CCNY: variants seen among roughly 807,000 people sequenced by gnomAD.
The protein encoded by CCNY is cyclin Y.
CCNY carries 19 observed loss-of-function variants against 42.8 expected under a neutral mutation model. The ratio of observed to expected loss-of-function variants is 0.44; its 90% CI spans 0.31 to 0.65. CCNY has a LOEUF of 0.65. Ranked by LOEUF, CCNY falls within the 30% of genes least tolerant of loss-of-function variation. The pLI, the probability that CCNY is intolerant of heterozygous loss-of-function variation, is 0.07. For missense variants in CCNY, 370 were observed against 437.3 expected (o/e 0.85, Z 1.37); for synonymous variants, 165 against 162.7 (o/e 1.01, Z -0.11).
In CCNY at chr10:35,454,814, G is replaced by A. The variant is rs867688409; in HGVS notation, c.155-28590G>A. Among the ~76,000 whole-genome samples the A allele has an allele frequency of 2.4e-4, 36 of 152,356 alleles. 2 individuals are homozygous for A. The South Asian group carries it at 3.1e-3, about 13-fold the overall frequency. On this transcript the variant is annotated intron_variant, in intron 1 of 9. Coordinates refer to ENST00000374704, the MANE Select transcript of CCNY (RefSeq NM_145012.6). Reference sequence around the variant, plus strand: ...TTCTGCCAGGGTAAGAGGAAGGCCAGTGAGTGCTTGGGAAGGAAGTTGGCA... The same window carrying A: ...TTCTGCCAGGGTAAGAGGAAGGCCAATGAGTGCTTGGGAAGGAAGTTGGCA...
chr10:35,543,627 G>A (rs1314325493), intron 7 of CCNY, among the ~76,000 whole-genome samples: 2 of 151,978 alleles, frequency 1.3e-5, no homozygotes, highest in East Asian at 1.9e-4. Flanking sequence ...GATAATAAAC[G>A]ACTCTGTTAC....
intron 3 of CCNY, among the ~76,000 whole-genome samples, chr10:35,505,988 A>C (rs182963182): frequency 3.0e-4 from 45 of 152,304 alleles, no homozygotes; most frequent in Non-Finnish European, 4.7e-4. Context: ...AAAGGTGTCT[A>C]TTCTGGTTAT....
Position 35,263,967 on chromosome 10 carries a change from A to C in CCNY, c.-9+13341A>C, listed in dbSNP as rs191712565. 4.7e-3 allele frequency among the ~76,000 whole-genome samples: 709 copies of C among 152,274 alleles called. 45 individuals are homozygous for C. The South Asian group carries it at 0.12, about 26-fold the overall frequency. On this transcript the variant is annotated intron_variant, in intron 3 of 11. Transcript: ENST00000374706. ...CTGATGCTACGTTAGTTTGCTGAGG[A>C]ATGGCTTCCAACTCTATCCATGTCC... is the stretch of plus-strand genomic sequence containing the variant.
chr10:35,292,850 A>G (rs1179672273), intron 3 of CCNY, among the ~76,000 whole-genome samples: 1 of 132,162 alleles, frequency 7.6e-6, no homozygotes, highest in Non-Finnish European at 1.5e-5. Context: ...CGATGGAGCG[A>G]TCTTGGCTAA....
intron 1 of CCNY, among the ~76,000 whole-genome samples, chr10:35,353,824 CT>C (rs1836481072): frequency 1.3e-5 from 2 of 152,192 alleles, no homozygotes; most frequent in African/African-American, 2.4e-5. Context: ...AGTTGAAAAG[CT>C]GTACAAGAAA....
chr10:35,415,040 A>G (rs769462685), intron 1 of CCNY, among the ~76,000 whole-genome samples: 6 of 152,234 alleles, frequency 3.9e-5, no homozygotes, highest in Non-Finnish European at 7.3e-5. Flanking sequence ...AGATGCTGGA[A>G]CTTGGCAAAG....
chr10:35,514,212 C>A (rs2135405496), intron 3 of CCNY, among the ~76,000 whole-genome samples: 1 of 152,096 alleles, frequency 6.6e-6, no homozygotes, highest in African/African-American at 2.4e-5. Context: ...GTCTTGTAGT[C>A]CTGACAGTCA....
At chr10:35,281,030 T>G (rs989035917) in intron 3 of CCNY, among the ~76,000 whole-genome samples, 1 of 151,910 alleles carries the variant, frequency 6.6e-6, no homozygotes, top group Non-Finnish European at 1.5e-5. Flanking sequence ...GAAATGCAAA[T>G]CAAAGCCACA....
At chr10:35,465,934 A>AGT (rs1318018579) in intron 1 of CCNY, among the ~76,000 whole-genome samples, 29 of 85,542 alleles carry the variant, frequency 3.4e-4, no homozygotes, top group Admixed American at 2.1e-3. Context: ...AGAGAGAGAG[A>AGT]GAGAGTGTGT....
At chr10:35,433,636 A>C (rs1838461845) in intron 1 of CCNY, among the ~76,000 whole-genome samples, 1 of 152,170 alleles carries the variant, frequency 6.6e-6, no homozygotes, top group African/African-American at 2.4e-5. Context: ...TTTGAGATGA[A>C]GTTTCACTCT....
At chr10:35,325,835 T>C (rs959949550) in intron 3 of CCNY, among the ~76,000 whole-genome samples, 2 of 151,996 alleles carry the variant, frequency 1.3e-5, no homozygotes, top group African/African-American at 2.4e-5. Context: ...TCCCAAAACT[T>C]TGGGAAGCCA....
chr10:35,545,779 G>T (rs1349460317), intron 7 of CCNY, among the ~76,000 whole-genome samples: 1 of 152,098 alleles, frequency 6.6e-6, no homozygotes, highest in Non-Finnish European at 1.5e-5. Context: ...TTAGGGTAAA[G>T]ATTATACTTT....
intron 1 of CCNY, among the ~76,000 whole-genome samples, chr10:35,416,847 C>T (rs1454989239): frequency 6.6e-6 from 1 of 152,104 alleles, no homozygotes; most frequent in African/African-American, 2.4e-5. Flanking sequence ...ACTCTTCAGA[C>T]AGGTGGCAGC....
intron 1 of CCNY, among the ~76,000 whole-genome samples, chr10:35,470,290 CAG>C (rs1839365680): frequency 1.3e-5 from 2 of 151,524 alleles, no homozygotes; most frequent in African/African-American, 4.9e-5. Context: ...GAGAGACCGA[CAG>C]AGGGAAGGAG....
chr10:35,465,938 A>AGAGAGAGAGAGAGAGTGTGTGTGTGT, intron 1 of CCNY, among the ~76,000 whole-genome samples: 13 of 81,032 alleles, frequency 1.6e-4, no homozygotes, highest in African/African-American at 3.9e-4. Flanking sequence ...AGAGAGAGAG[A>AGAGAGAGAGAGAGAGTGTGTGTGTGT]GTGTGTGTGT....
intron 1 of CCNY, among the ~76,000 whole-genome samples, chr10:35,345,056 A>G (rs1836270264): frequency 6.6e-6 from 1 of 152,190 alleles, no homozygotes; most frequent in African/African-American, 2.4e-5. Flanking sequence ...GTGTCTTTAT[A>G]GCAGCATGAT....
At chr10:35,336,225 A>T (rs1836022018), upstream of CCNY, 1 of 150,892 alleles carries the variant, frequency 6.6e-6, no homozygotes, top group Non-Finnish European at 1.5e-5. Context: ...CGCACCTCGC[A>T]TCCCGCGCTG....
intron 1 of CCNY, among the ~76,000 whole-genome samples, chr10:35,458,707 CAT>C (rs1839089995): frequency 6.6e-6 from 1 of 152,190 alleles, no homozygotes; most frequent in Admixed American, 6.5e-5. Context: ...ATGCCAGGGA[CAT>C]GTGAGGGTGT....
chr10:35,311,653 G>T (rs375783172), intron 3 of CCNY, among the ~76,000 whole-genome samples: 13 of 152,098 alleles, frequency 8.5e-5, no homozygotes, highest in African/African-American at 3.1e-4. Context: ...ACTCCAGTCT[G>T]GGCAACAGAG....
Sources: allele counts gnomAD v4.1 joint callset (sites outside exome capture counted in the v4.1 genomes callset), GRCh38; gene constraint gnomAD v4.1.1; transcripts MANE v1.5; gene names NCBI Gene and HGNC (gene_info 2026-07-23, HGNC 2026-07-21).